Variants in EHD4 observed in about 807,000 individuals in gnomAD.
EHD4 encodes the protein EH domain-containing protein 4.
Under a neutral mutation model 51.0 loss-of-function variants are expected in EHD4, and 37 were observed. The ratio of observed to expected loss-of-function variants is 0.73; its 90% CI spans 0.56 to 0.95. The LOEUF (loss-of-function observed/expected upper bound fraction) is 0.95. Among genes scored for constraint, EHD4 ranks in the 40% least tolerant of loss-of-function variants. The pLI is 0.00. For missense variants in EHD4, 632 were observed against 733.1 expected, an observed-to-expected ratio of 0.86 and a Z score of 1.59; for synonymous variants, 297 against 317.3, an observed-to-expected ratio of 0.94 and a Z score of 0.68.
At chr15:41,918,417 T>C (rs1219090962) in intron 4 of EHD4, among the ~76,000 whole-genome samples, 1 of 152,188 alleles carries the variant, frequency 6.6e-6, no homozygotes, top group African/African-American at 2.4e-5. Flanking sequence ...TAGAGGACAA[T>C]GATTTTATGA....
At chr15:41,969,556 A>G (rs996412421) in intron 1 of EHD4, among the ~76,000 whole-genome samples, 1 of 151,996 alleles carries the variant, frequency 6.6e-6, no homozygotes, top group Non-Finnish European at 1.5e-5. Context: ...AAAAAAAAAA[A>G]TTGTGTAGTT....
In EHD4 at chr15:41,932,891, C is replaced by T. The variant is rs139736022; in HGVS notation, c.511+10176G>A. The stretch of plus-strand genomic sequence containing the variant: ...CCCTGGGAAATGCTGAGCGCTTGGC[C>T]GAGAGGGCCCTCTGAGCTGGGTCCG... On this transcript the variant is annotated intron_variant, in intron 3 of 5. Coordinates refer to ENST00000220325, the MANE Select transcript of EHD4 (RefSeq NM_139265.4). 1.8e-3 allele frequency among the ~76,000 whole-genome samples: 273 copies of T among 152,290 alleles called. 2 individuals carry two copies. Among genetic ancestry groups the T allele is most frequent in the African/African-American group, 6.1e-3 (253 of 41,562 alleles).
At chr15:41,959,210 G>T (rs1028118481) in intron 1 of EHD4, among the ~76,000 whole-genome samples, 4 of 151,912 alleles carry the variant, frequency 2.6e-5, no homozygotes, top group African/African-American at 9.7e-5. Context: ...GGCTAACACG[G>T]TGAAACCCCG....
chr15:41,950,834 A>G (rs2141003430), intron 2 of EHD4, among the ~76,000 whole-genome samples: 1 of 152,326 alleles, frequency 6.6e-6, no homozygotes, highest in South Asian at 2.1e-4. Flanking sequence ...CTCCCTGAGC[A>G]AGTCATGTCT....
chr15:41,949,294 C>T (rs947659044), intron 2 of EHD4, among the ~76,000 whole-genome samples: 5 of 151,378 alleles, frequency 3.3e-5, no homozygotes, highest in Admixed American at 6.6e-5. Context: ...CACTTCAACC[C>T]GGGAGGCAGA....
Position 41,972,550 on chromosome 15 carries a change from C to CT in EHD4, c.-57dup. ...CTGCTCCGGGTTCGACTCTCCCCGG[C>CT]TCGCACTGAGCCGCCCCGGCCGCGC... On this transcript the variant is annotated 5_prime_UTR_variant, in exon 1 of 6. Coordinates refer to ENST00000220325, the MANE Select transcript of EHD4 (RefSeq NM_139265.4). 1 of 1,415,454 alleles carries CT rather than the reference C, an allele frequency of 7.1e-7. No individual in the cohort carries two copies. Among genetic ancestry groups the CT allele is most frequent in the South Asian group, 1.5e-5 (1 of 65,512 alleles). The allele number at this position is 1,415,454 out of a possible 1,614,324, so 87.7% of individuals were successfully genotyped here.
rs2067733845 is a variant in EHD4, at chr15:41,936,716, A to G, written c.511+6351T>C. Among the ~76,000 whole-genome samples the G allele has an allele frequency of 2.0e-5, 3 of 152,224 alleles. No individual in the cohort carries two copies. The South Asian group carries it at 6.2e-4, about 32-fold the overall frequency. On this transcript the variant is annotated intron_variant, in intron 3 of 5. Coordinates refer to ENST00000220325, the MANE Select transcript of EHD4 (RefSeq NM_139265.4). The stretch of plus-strand genomic sequence containing the variant: ...CATTTGATGTATTAACAAAAACTCA[A>G]ACTAGCTGCCGGGGCTGGCGAACGC...
chr15:41,969,607 A>G (rs1202030451), intron 1 of EHD4, among the ~76,000 whole-genome samples: 1 of 152,146 alleles, frequency 6.6e-6, no homozygotes, highest in Non-Finnish European at 1.5e-5. Flanking sequence ...TTCAGTGGAA[A>G]TGTCTTCCTT....
At chr15:41,949,051 T>TATATATACATAC (rs1491135423) in intron 2 of EHD4, among the ~76,000 whole-genome samples, 1 of 109,434 alleles carries the variant, frequency 9.1e-6, no homozygotes, top group Non-Finnish European at 1.8e-5. Context: ...TATATATATA[T>TATATATACATAC]ACACACATAC....
At chr15:41,922,116 C>T (rs1213473357) in intron 3 of EHD4, among the ~76,000 whole-genome samples, 4 of 152,146 alleles carry the variant, frequency 2.6e-5, no homozygotes, top group African/African-American at 7.2e-5. Flanking sequence ...AGGCTGGGCA[C>T]GGTGGCTAAT....
intron 3 of EHD4, among the ~76,000 whole-genome samples, chr15:41,930,216 T>C (rs2067689419): frequency 6.6e-6 from 1 of 151,664 alleles, no homozygotes; most frequent in Non-Finnish European, 1.5e-5. Context: ...TATTATTATA[T>C]ATTAGGATGA....
At chr15:41,907,590 G>C (rs1300830679) in intron 5 of EHD4, among the ~76,000 whole-genome samples, 1 of 152,070 alleles carries the variant, frequency 6.6e-6, no homozygotes, top group Non-Finnish European at 1.5e-5. Context: ...TGCGATCTTG[G>C]CTCACTGCAA....
intron 2 of EHD4, among the ~76,000 whole-genome samples, chr15:41,951,652 T>C (rs2067853243): frequency 6.6e-6 from 1 of 152,182 alleles, no homozygotes; most frequent in Non-Finnish European, 1.5e-5. Context: ...GCAGTGGCAA[T>C]GAAACCAGAG....
At chr15:41,939,383 G>C (rs930664889) in intron 3 of EHD4, among the ~76,000 whole-genome samples, 1 of 152,116 alleles carries the variant, frequency 6.6e-6, no homozygotes, top group African/African-American at 2.4e-5. Context: ...AACTAACCTA[G>C]TCTGTTGTCC....
chr15:41,964,853 C>G (rs534384915), intron 1 of EHD4, among the ~76,000 whole-genome samples: 1 of 151,734 alleles, frequency 6.6e-6, no homozygotes, highest in Non-Finnish European at 1.5e-5. Flanking sequence ...CTTACTGCAG[C>G]CTCGACCACC....
chr15:41,950,787 G>A (rs751797463), intron 2 of EHD4, among the ~76,000 whole-genome samples: 1 of 152,158 alleles, frequency 6.6e-6, no homozygotes, highest in Non-Finnish European at 1.5e-5. Context: ...GGGGAACACT[G>A]GATTCCAATC....
chr15:41,934,685 A>T (rs1238906573), intron 3 of EHD4, among the ~76,000 whole-genome samples: 3 of 152,060 alleles, frequency 2.0e-5, no homozygotes, highest in Admixed American at 2.0e-4. Flanking sequence ...TAGTCTTCCG[A>T]GCATCATTTG....
intron 4 of EHD4, among the ~76,000 whole-genome samples, chr15:41,915,470 AC>A (rs2067577750): frequency 6.6e-6 from 1 of 152,188 alleles, no homozygotes; most frequent in Non-Finnish European, 1.5e-5. Flanking sequence ...ACTACAGTGA[AC>A]CTTGAAAATC....
chr15:41,922,539 G>A (rs1218699844), intron 3 of EHD4, among the ~76,000 whole-genome samples: 6 of 152,106 alleles, frequency 3.9e-5, no homozygotes, highest in African/African-American at 7.2e-5. Context: ...CTGCGCTCGC[G>A]CCAACCCTGC....
Sources: allele counts gnomAD v4.1 joint callset (sites outside exome capture counted in the v4.1 genomes callset), GRCh38; gene constraint gnomAD v4.1.1; transcripts MANE v1.5; gene names NCBI Gene and HGNC (gene_info 2026-07-23, HGNC 2026-07-21).